The following ATOX1 variants were observed in gnomAD, a reference collection of about 807,000 sequenced individuals.
ATOX1 encodes the protein copper transport protein ATOX1.
A neutral mutation model predicts 7.3 loss-of-function variants in ATOX1; 4 were observed. The observed-to-expected ratio is 0.55, with a 90% CI of 0.27 to 1.25. ATOX1 has a LOEUF of 1.25. ATOX1 is among the 50% of genes most tolerant of loss of function. The probability of loss-of-function intolerance (pLI) is 0.12; values close to 1 mark genes in which losing one functional copy is unlikely to be tolerated. For synonymous variants in ATOX1, 25 were observed against 28.7 expected (o/e 0.87, Z 0.41); for missense variants, 68 against 81.6 (o/e 0.83, Z 0.64).
In ATOX1 at chr5:151,742,831, A is replaced by G. The variant is rs1316046096; in HGVS notation, c.*175T>C. The G allele has an allele frequency of 2.0e-5, 3 of 152,454 alleles. No homozygotes were observed. The East Asian group carries it at 5.8e-4, about 29-fold the overall frequency. 9.4% of individuals were successfully genotyped at this position (152,454 alleles called of 1,614,324 possible). A position where few individuals can be genotyped will look rare whatever the true frequency, so the allele number is the denominator to read the frequency against. ...CAGGCAAGACAACATCTCCAACAAAAGCAGCTTGATTTTATTGCAGGGAAG... is the reference window on the plus strand; with the variant it reads ...CAGGCAAGACAACATCTCCAACAAAGGCAGCTTGATTTTATTGCAGGGAAG... On this transcript the variant is annotated 3_prime_UTR_variant, in exon 4 of 4. Coordinates refer to ENST00000313115, the MANE Select transcript of ATOX1 (RefSeq NM_004045.4).
intron 2 of ATOX1, among the ~76,000 whole-genome samples, chr5:151,749,315 G>A (rs748501956): frequency 3.3e-5 from 5 of 151,860 alleles, no homozygotes; most frequent in African/African-American, 9.7e-5. Flanking sequence ...GAGAAACCCC[G>A]TCTCTACTAA....
intron 1 of ATOX1, chr5:151,752,157 C>T: frequency 3.0e-6 from 2 of 668,556 alleles, no homozygotes; most frequent in South Asian, 3.3e-5. Context: ...GGCCCCCATA[C>T]TCTGAGCAAT....
chr5:151,756,028 G>A (rs1244210118), intron 1 of ATOX1, among the ~76,000 whole-genome samples: 2 of 142,466 alleles, frequency 1.4e-5, no homozygotes, highest in African/African-American at 5.2e-5. Flanking sequence ...TGCAACCTCC[G>A]CCTCCTGGGT....
At chr5:151,756,599 A>G (rs1195234634) in intron 1 of ATOX1, among the ~76,000 whole-genome samples, 2 of 151,716 alleles carry the variant, frequency 1.3e-5, no homozygotes, top group Non-Finnish European at 2.9e-5. Flanking sequence ...CAGCCTCCCA[A>G]GTAGCTGGGA....
intron 1 of ATOX1, among the ~76,000 whole-genome samples, chr5:151,757,462 T>C (rs1216233410): frequency 6.6e-6 from 1 of 152,240 alleles, no homozygotes; most frequent in African/African-American, 2.4e-5. Context: ...TCAAGGCACC[T>C]GGCAAGACCC....
chr5:151,755,937 T>TC (rs1762008806), intron 1 of ATOX1, among the ~76,000 whole-genome samples: 1 of 149,328 alleles, frequency 6.7e-6, no homozygotes, highest in Admixed American at 6.6e-5. Context: ...GTGGGATGAT[T>TC]CTTTTTTTTT....
At chr5:151,749,984 G>A (rs1204901648) in intron 2 of ATOX1, among the ~76,000 whole-genome samples, 1 of 152,186 alleles carries the variant, frequency 6.6e-6, no homozygotes, top group Non-Finnish European at 1.5e-5. Context: ...ATGAGATCAC[G>A]TCCATGTGGA....
At chr5:151,743,904 C>T (rs1761850590) in intron 3 of ATOX1, 1 of 152,142 alleles carries the variant, frequency 6.6e-6, no homozygotes, top group African/African-American at 2.4e-5. Context: ...TCTACTTACA[C>T]ATGTTTGAAA....
intron 2 of ATOX1, among the ~76,000 whole-genome samples, chr5:151,747,077 T>C (rs1761887475): frequency 6.6e-6 from 1 of 151,838 alleles, no homozygotes; most frequent in African/African-American, 2.4e-5. Context: ...CACTTTTTTT[T>C]TTTTTTTCAA....
chr5:151,757,715 C>T (rs1021037946), intron 1 of ATOX1, among the ~76,000 whole-genome samples: 2 of 152,210 alleles, frequency 1.3e-5, no homozygotes, highest in African/African-American at 2.4e-5. Flanking sequence ...TGCCTGGCAC[C>T]TCCCATGTGG....
At chr5:151,748,449 A>C (rs77073630) in intron 2 of ATOX1, among the ~76,000 whole-genome samples, 1 of 152,098 alleles carries the variant, frequency 6.6e-6, no homozygotes, top group Admixed American at 6.6e-5. Context: ...TAGGGCCATA[A>C]GCAACTCAAA....
intron 1 of ATOX1, among the ~76,000 whole-genome samples, chr5:151,756,629 C>T (rs1303799592): frequency 1.3e-5 from 2 of 152,134 alleles, no homozygotes; most frequent in East Asian, 1.9e-4. Context: ...CGGGCCACCA[C>T]GTCTGGCTAA....
At chr5:151,756,166 AG>A (rs1366702058) in intron 1 of ATOX1, among the ~76,000 whole-genome samples, 3 of 151,970 alleles carry the variant, frequency 2.0e-5, no homozygotes, top group African/African-American at 4.8e-5. Flanking sequence ...CTGGTCTCAA[AG>A]TCCTGACTTT....
At chr5:151,754,365 T>C (rs1761986274) in intron 1 of ATOX1, among the ~76,000 whole-genome samples, 1 of 152,168 alleles carries the variant, frequency 6.6e-6, no homozygotes. Context: ...TCTCAACACT[T>C]TGGGAGGCTG....
chr5:151,743,454 G>A (rs1052781771), intron 3 of ATOX1: 1 of 152,224 alleles, frequency 6.6e-6, no homozygotes, highest in Non-Finnish European at 1.5e-5. Context: ...AGACTTCAAA[G>A]ACATGCTGCC....
At chr5:151,747,745 C>G (rs928696994) in intron 2 of ATOX1, among the ~76,000 whole-genome samples, 10 of 152,196 alleles carry the variant, frequency 6.6e-5, no homozygotes, top group African/African-American at 2.2e-4. Context: ...TGAGCCACCA[C>G]ACTGAGCTAA....
chr5:151,749,912 C>T (rs952313598), intron 2 of ATOX1, among the ~76,000 whole-genome samples: 1 of 152,206 alleles, frequency 6.6e-6, no homozygotes, highest in African/African-American at 2.4e-5. Context: ...CACTTAACCT[C>T]CTGGACACTG....
intron 1 of ATOX1, 137 bp downstream of exon 1, chr5:151,758,409 T>G: frequency 3.1e-6 from 4 of 1,296,326 alleles, no homozygotes; most frequent in Non-Finnish European, 2.0e-6. Flanking sequence ...GGGGGCTGGG[T>G]GGGGTAAGCT....
At chr5:151,751,819 G>C (rs1306679403) in intron 1 of ATOX1, 40 bp from the exon 2 acceptor site, 3 of 1,569,012 alleles carry the variant, frequency 1.9e-6, no homozygotes, top group Non-Finnish European at 1.7e-6. Context: ...GAGCCCTGTA[G>C]AGTGACCCCC....
Sources: gnomAD v4.1 joint callset for allele counts (sites outside exome capture counted in the v4.1 genomes callset) on GRCh38, gnomAD v4.1.1 for gene constraint, MANE v1.5 for transcripts, NCBI Gene and HGNC (gene_info 2026-07-23, HGNC 2026-07-21) for gene names.